The following PSD3 variants were observed in gnomAD, a reference collection of about 807,000 sequenced individuals.
The protein encoded by PSD3 is PH and SEC7 domain-containing protein 3.
Under a neutral mutation model 105.5 loss-of-function variants are expected in PSD3, and 49 were observed. The ratio of observed to expected loss-of-function variants is 0.46; its 90% CI spans 0.37 to 0.59. The LOEUF is 0.59. PSD3 is among the 20% of genes least tolerant of loss of function. PSD3 has a pLI of 0.00. For synonymous variants in PSD3, 557 were observed against 457.8 expected, an observed-to-expected ratio of 1.22 and a Z score of -2.77; for missense variants, 1,561 against 1,263.8, an observed-to-expected ratio of 1.24 and a Z score of -3.57.
intron 15 of PSD3, among the ~76,000 whole-genome samples, chr8:18,542,764 G>T (rs1350654424): frequency 2.0e-5 from 3 of 152,130 alleles, no homozygotes; most frequent in Non-Finnish European, 4.4e-5. Flanking sequence ...TTGTTGTTTA[G>T]TCTTCATAAT....
At chr8:18,769,810 A>G (rs554572838) in intron 8 of PSD3, among the ~76,000 whole-genome samples, 53 of 152,340 alleles carry the variant, frequency 3.5e-4, no homozygotes, top group African/African-American at 1.3e-3. Context: ...ATAAATCAGT[A>G]TTTAATGTCC....
chr8:18,590,728 T>A (rs1221221628), intron 12 of PSD3, among the ~76,000 whole-genome samples: 2 of 152,104 alleles, frequency 1.3e-5, no homozygotes, highest in Non-Finnish European at 2.9e-5. Context: ...AAAAGTTAAA[T>A]TATGATAAAT....
chr8:18,880,539 T>C (rs552012193), intron 2 of PSD3, among the ~76,000 whole-genome samples: 1 of 152,232 alleles, frequency 6.6e-6, no homozygotes, highest in East Asian at 1.9e-4. Context: ...AAAGGCAGAA[T>C]AGACAGGAAC....
At chr8:18,636,393 C>A (rs1487744) in intron 10 of PSD3, among the ~76,000 whole-genome samples, 58,295 of 151,758 alleles carry the variant, frequency 0.38, 11,647 homozygotes, top group African/African-American at 0.48. Flanking sequence ...CTGTTATTAC[C>A]AAAAAGTTAA....
chr8:18,824,198 T>G (rs891650422), intron 4 of PSD3, among the ~76,000 whole-genome samples: 5 of 152,134 alleles, frequency 3.3e-5, no homozygotes, highest in African/African-American at 1.2e-4. Context: ...TTTTTTAAAG[T>G]GAGACCCAGG....
chr8:18,701,254 G>A (rs1374494200), intron 9 of PSD3, among the ~76,000 whole-genome samples: 1 of 151,700 alleles, frequency 6.6e-6, no homozygotes, highest in Non-Finnish European at 1.5e-5. Context: ...ACAGGTGCAA[G>A]TCACTGTGAC....
At chr8:19,069,117 C>G (rs1829171823) in intron 1 of PSD3, among the ~76,000 whole-genome samples, 1 of 152,142 alleles carries the variant, frequency 6.6e-6, no homozygotes, top group Admixed American at 6.6e-5. Context: ...AATAGCCACC[C>G]AGTGCGGTAA....
At chr8:18,605,421 C>T (rs140819691) in intron 11 of PSD3, among the ~76,000 whole-genome samples, 2 of 152,276 alleles carry the variant, frequency 1.3e-5, no homozygotes, top group African/African-American at 2.4e-5. Flanking sequence ...AATATTTTCC[C>T]AATCCCTGTA....
chr8:18,717,285 A>G (rs1056507414), intron 9 of PSD3, among the ~76,000 whole-genome samples: 2 of 152,254 alleles, frequency 1.3e-5, no homozygotes, highest in Non-Finnish European at 2.9e-5. Context: ...GCAACGGGCC[A>G]CTTTCTTAAG....
chr8:18,639,451 A>C (rs1313184820), intron 10 of PSD3, among the ~76,000 whole-genome samples: 2 of 152,126 alleles, frequency 1.3e-5, no homozygotes, highest in African/African-American at 4.8e-5. Context: ...TTATGGGTTT[A>C]ATTCAGTCCC....
At chr8:18,889,638 T>C (rs1818658815) in intron 2 of PSD3, among the ~76,000 whole-genome samples, 1 of 152,172 alleles carries the variant, frequency 6.6e-6, no homozygotes, top group Admixed American at 6.5e-5. Context: ...CCATCTCCCA[T>C]CTCCGGCTCC....
intron 2 of PSD3, among the ~76,000 whole-genome samples, chr8:18,876,066 T>C (rs1054159386): frequency 6.6e-6 from 1 of 152,176 alleles, no homozygotes; most frequent in African/African-American, 2.4e-5. Flanking sequence ...ATATCATCTA[T>C]CAAAACTTCA....
chr8:18,692,882 G>A lies in PSD3; in HGVS notation c.2173-37197C>T, dbSNP rs28716324. The stretch of plus-strand genomic sequence containing the variant: ...ATTAAAGGATGGAGTACAGATAGTT[G>A]GGGAACAATTAAAATTCAAACTTTA... On this transcript the variant is annotated intron_variant, in intron 9 of 15. Transcript: ENST00000327040. 7.8e-3 allele frequency among the ~76,000 whole-genome samples: 1,183 copies of A among 152,222 alleles called. 16 individuals carry two copies. Among genetic ancestry groups the A allele is most frequent in the African/African-American group, 0.027 (1,124 of 41,524 alleles).
chr8:18,869,736 C>T (rs953235757), intron 3 of PSD3, among the ~76,000 whole-genome samples: 1 of 152,212 alleles, frequency 6.6e-6, no homozygotes, highest in Non-Finnish European at 1.5e-5. Flanking sequence ...AAACTGGCCT[C>T]TTCCCTCCAT....
At chr8:18,710,463 G>C (rs74835724) in intron 9 of PSD3, among the ~76,000 whole-genome samples, 1 of 152,178 alleles carries the variant, frequency 6.6e-6, no homozygotes, top group Non-Finnish European at 1.5e-5. Context: ...TAGCAAGACA[G>C]GCAAATATTC....
chr8:18,868,327 G>A (rs1028170876), intron 3 of PSD3, among the ~76,000 whole-genome samples: 1 of 152,094 alleles, frequency 6.6e-6, no homozygotes, highest in Non-Finnish European at 1.5e-5. Context: ...CTGGTCCAAT[G>A]AAGATATGAA....
chr8:18,735,425 C>A lies in PSD3; in HGVS notation c.2172+30024G>T, dbSNP rs147004421. 3.4e-3 allele frequency among the ~76,000 whole-genome samples: 524 copies of A among 152,292 alleles called. 4 individuals carry two copies. Among genetic ancestry groups the A allele is most frequent in the African/African-American group, 0.012 (499 of 41,568 alleles). Reference sequence around the variant, plus strand: ...CACTGAATGGCGAATGGACGATAAACGTACCCAAGTGGACACACTACTCCC... The same window carrying A: ...CACTGAATGGCGAATGGACGATAAAAGTACCCAAGTGGACACACTACTCCC... On this transcript the variant is annotated intron_variant, in intron 9 of 15. Transcript: ENST00000327040.
chr8:18,632,605 A>C lies in PSD3; in HGVS notation c.2410+8T>G, dbSNP rs1160268403. On this transcript the variant is annotated splice_region_variant and intron_variant, in intron 11 of 15. Coordinates refer to ENST00000327040, the MANE Select transcript of PSD3 (RefSeq NM_015310.4). ...ATGAAATAGAAAATGACAACGCATG[A>C]TACTTACTCTTCTTTCCATCCATAT... 1 of 1,603,022 alleles carries C rather than the reference A, an allele frequency of 6.2e-7. No individual in the cohort carries two copies. Among genetic ancestry groups the C allele is most frequent in the South Asian group, 1.1e-5 (1 of 88,612 alleles).
At chr8:18,580,053 A>T (rs1195022517) in intron 12 of PSD3, among the ~76,000 whole-genome samples, 1 of 152,212 alleles carries the variant, frequency 6.6e-6, no homozygotes, top group African/African-American at 2.4e-5. Context: ...GGCATTAAAA[A>T]TGTTTTTTAT....
Sources: allele counts gnomAD v4.1 joint callset (sites outside exome capture counted in the v4.1 genomes callset), GRCh38; gene constraint gnomAD v4.1.1; transcripts MANE v1.5; gene names NCBI Gene and HGNC (gene_info 2026-07-23, HGNC 2026-07-21).